The following RAB30 variants were observed in gnomAD, a reference collection of about 807,000 sequenced individuals.
The protein encoded by RAB30 is ras-related protein Rab-30.
Under a neutral mutation model 25.1 loss-of-function variants are expected in RAB30, and 9 were observed. The ratio of observed to expected loss-of-function variants is 0.36; its 90% CI spans 0.22 to 0.63. RAB30 has a LOEUF of 0.63. RAB30 is among the 20% of genes least tolerant of loss of function. The probability of loss-of-function intolerance (pLI) is 0.69; values close to 1 mark genes in which losing one functional copy is unlikely to be tolerated. For missense variants in RAB30, 140 were observed against 243.5 expected, an observed-to-expected ratio of 0.58 and a Z score of 2.83; for synonymous variants, 77 against 86.4, an observed-to-expected ratio of 0.89 and a Z score of 0.60.
rs796244361 is a variant in RAB30 at position 82,988,892 on chromosome 11, A to AC, written c.178-1123dup. ...ACCTTCAGATTAGGCTAGGTTCCCC[A>AC]CCCCCCCACCCCACACAGTCTCTCT... is the stretch of plus-strand genomic sequence containing the variant. On this transcript the variant is annotated intron_variant, in intron 3 of 4. Transcript: ENST00000527633. Among the ~76,000 whole-genome samples the AC allele has an allele frequency of 2.6e-4, 19 of 73,804 alleles. 1 individual carries two copies. Among genetic ancestry groups the AC allele is most frequent in the African/African-American group, 9.1e-4 (18 of 19,874 alleles). The allele number at this position is 73,804 out of a possible 152,430, so 48.4% of individuals were successfully genotyped here.
chr11:82,982,221 G>C lies in RAB30; in HGVS notation c.556C>G (p.Pro186Ala), dbSNP rs200193596. The change falls in exon 5 of 5, where the codon CCC becomes GCC. Residue 186 changes from proline (P) to alanine (A), a missense_variant. By Grantham distance (27) the Pro-to-Ala change is conservative (BLOSUM62 -1). Coordinates refer to ENST00000527633, the MANE Select transcript of RAB30 (RefSeq NM_001286060.2). Reference protein sequence around the residue: ...QNTLVNNVSSPLPGEGKSISY... With the variant: ...QNTLVNNVSSALPGEGKSISY... The stretch of plus-strand genomic sequence containing the variant: ...ATGCTTTTCCCTTCTCCAGGTAAGG[G>C]TGAGGATACATTGTTCACAAGTGTG... 2.0e-5 allele frequency: 32 copies of C among 1,614,112 alleles called. No homozygotes were observed. Among genetic ancestry groups the C allele is most frequent in the Non-Finnish European group, 2.7e-5 (32 of 1,180,044 alleles).
intron 1 of RAB30, among the ~76,000 whole-genome samples, chr11:83,043,603 T>C (rs1163030921): frequency 1.3e-5 from 2 of 152,196 alleles, no homozygotes; most frequent in African/African-American, 4.8e-5. Context: ...AATACTGATA[T>C]ATTTAGAGAT....
chr11:82,998,509 C>CCG (rs1215804290), intron 1 of RAB30, among the ~76,000 whole-genome samples: 1 of 150,710 alleles, frequency 6.6e-6, no homozygotes, highest in Non-Finnish European at 1.5e-5. Context: ...GATCACACCA[C>CCG]CGCACTCCAG....
At chr11:83,014,643 AAAG>A (rs1447865771) in intron 1 of RAB30, among the ~76,000 whole-genome samples, 1 of 80,916 alleles carries the variant, frequency 1.2e-5, no homozygotes, top group Non-Finnish European at 2.6e-5. Context: ...AAAAAGAAAG[AAAG>A]AAAGAAAGAA....
intron 1 of RAB30, among the ~76,000 whole-genome samples, chr11:83,031,938 C>T (rs776278767): frequency 2.0e-5 from 3 of 152,216 alleles, no homozygotes; most frequent in Non-Finnish European, 4.4e-5. Context: ...CTCATCTCCA[C>T]ACTATTTGTT....
intron 1 of RAB30, among the ~76,000 whole-genome samples, chr11:83,055,511 A>C (rs1414317051): frequency 6.6e-6 from 1 of 152,242 alleles, no homozygotes; most frequent in Non-Finnish European, 1.5e-5. Context: ...CTGCGCAGCC[A>C]GATCTACCCT....
chr11:83,030,796 CAA>C (rs199607255), intron 1 of RAB30, among the ~76,000 whole-genome samples: 24 of 118,632 alleles, frequency 2.0e-4, no homozygotes, highest in Middle Eastern at 4.2e-3. Context: ...GACTCCACCT[CAA>C]AAAAAAAAAA....
chr11:83,007,980 A>G (rs535476038), intron 1 of RAB30, among the ~76,000 whole-genome samples: 2 of 152,334 alleles, frequency 1.3e-5, no homozygotes, highest in African/African-American at 4.8e-5. Context: ...AATAAACAAT[A>G]CCACTGCAAA....
At chr11:82,994,317 G>A (rs961340201) in intron 2 of RAB30, among the ~76,000 whole-genome samples, 195 bp from the exon 3 acceptor site, 1 of 152,078 alleles carries the variant, frequency 6.6e-6, no homozygotes, top group Non-Finnish European at 1.5e-5. Context: ...GAGAAAGGAG[G>A]GAGAAAGTGG....
At chr11:83,063,590 G>A (rs1230965566) in intron 1 of RAB30, among the ~76,000 whole-genome samples, 3 of 152,208 alleles carry the variant, frequency 2.0e-5, no homozygotes, top group East Asian at 3.9e-4. Context: ...ACAAAAACCA[G>A]CAGGAACTCC....
chr11:82,990,095 A>G (rs1856820709), intron 3 of RAB30, among the ~76,000 whole-genome samples: 1 of 147,388 alleles, frequency 6.8e-6, no homozygotes, highest in African/African-American at 2.7e-5. Flanking sequence ...GCCTGTCAAT[A>G]TGTTTTCAAT....
At chr11:83,049,126 AAG>A (rs2121517626) in intron 1 of RAB30, among the ~76,000 whole-genome samples, 1 of 152,290 alleles carries the variant, frequency 6.6e-6, no homozygotes, top group East Asian at 1.9e-4. Flanking sequence ...TGTTTGCAAA[AAG>A]ATGCTGGGTG....
At chr11:83,026,283 T>C (rs1264134447) in intron 1 of RAB30, among the ~76,000 whole-genome samples, 1 of 152,196 alleles carries the variant, frequency 6.6e-6, no homozygotes, top group Non-Finnish European at 1.5e-5. Context: ...TGATATGATT[T>C]GGATATCTGT....
intron 1 of RAB30, among the ~76,000 whole-genome samples, chr11:83,036,153 G>A (rs1045300992): frequency 3.3e-4 from 50 of 151,572 alleles, no homozygotes; most frequent in African/African-American, 1.1e-3. Flanking sequence ...AAGTGGCAAA[G>A]CTCAGGTTCA....
intron 1 of RAB30, among the ~76,000 whole-genome samples, chr11:83,069,563 C>T (rs1038009528): frequency 3.9e-5 from 6 of 152,056 alleles, no homozygotes; most frequent in African/African-American, 1.4e-4. Flanking sequence ...ACTCAGCAAT[C>T]CACAGGGAAC....
rs933403191 is a variant in RAB30 at position 82,977,870 on chromosome 11, A to G, written c.*4295T>C. Reference sequence around the variant, plus strand: ...ATCTCCCTTACTCTAATGTTGCTATATTAATATGTGTTTTGAAGGGATGAT... The same window carrying G: ...ATCTCCCTTACTCTAATGTTGCTATGTTAATATGTGTTTTGAAGGGATGAT... On this transcript the variant is annotated 3_prime_UTR_variant, in exon 5 of 5. Transcript: ENST00000527633. The G allele has an allele frequency of 6.6e-6, 1 of 152,190 alleles. No homozygotes were observed. Among genetic ancestry groups the G allele is most frequent in the Non-Finnish European group, 1.5e-5 (1 of 68,040 alleles). The allele number at this position is 152,190 out of a possible 1,614,324, so 9.4% of individuals were successfully genotyped here.
chr11:83,064,852 A>G (rs1351551756), intron 1 of RAB30, among the ~76,000 whole-genome samples: 3 of 152,128 alleles, frequency 2.0e-5, no homozygotes, highest in East Asian at 3.9e-4. Context: ...TCCCATTCAA[A>G]TTTCCCCGAT....
intron 1 of RAB30, among the ~76,000 whole-genome samples, chr11:83,014,236 T>G (rs1857365938): frequency 6.6e-6 from 1 of 152,014 alleles, no homozygotes; most frequent in African/African-American, 2.4e-5. Flanking sequence ...GTGGGTATAT[T>G]TAAGATGAGA....
At chr11:83,026,253 G>A (rs1340778372) in intron 1 of RAB30, among the ~76,000 whole-genome samples, 2 of 152,164 alleles carry the variant, frequency 1.3e-5, no homozygotes, top group African/African-American at 4.8e-5. Flanking sequence ...AGGCCATAGG[G>A]CTGAGTAGAA....
Sources: allele counts gnomAD v4.1 joint callset (sites outside exome capture counted in the v4.1 genomes callset), GRCh38; gene constraint gnomAD v4.1.1; transcripts MANE v1.5; gene names NCBI Gene and HGNC (gene_info 2026-07-23, HGNC 2026-07-21).